Variants in GREB1L observed in about 807,000 individuals in gnomAD.
GREB1L encodes GREB1 like retinoic acid receptor coactivator, also known as GREB1-like protein.
A neutral mutation model predicts 200.8 loss-of-function variants in GREB1L; 17 were observed. That is an observed-to-expected ratio of 0.08 (90% CI 0.06 to 0.13). The LOEUF is 0.13. GREB1L is among the 10% of genes least tolerant of loss of function. The probability of loss-of-function intolerance (pLI) is 1.00; values close to 1 mark genes in which losing one functional copy is unlikely to be tolerated. For synonymous variants in GREB1L, 789 were observed against 893.0 expected, an observed-to-expected ratio of 0.88 and a Z score of 2.08; for missense variants, 1,657 against 2,367.7, an observed-to-expected ratio of 0.70 and a Z score of 6.23.
At chr18:21,334,686 A>G (rs1423563279) in intron 1 of GREB1L, among the ~76,000 whole-genome samples, 1 of 152,152 alleles carries the variant, frequency 6.6e-6, no homozygotes, top group Non-Finnish European at 1.5e-5. Flanking sequence ...AGGCAGGAGA[A>G]TCACTTGGAC....
intron 15 of GREB1L, among the ~76,000 whole-genome samples, chr18:21,465,112 A>G (rs2035215535): frequency 6.6e-6 from 1 of 152,216 alleles, no homozygotes; most frequent in Non-Finnish European, 1.5e-5. Flanking sequence ...GTGGTGAAGA[A>G]CATTTAAAAT....
chr18:21,460,471 G>A lies in GREB1L; in HGVS notation c.2182+5908G>A, dbSNP rs138535889. 8.9e-3 allele frequency among the ~76,000 whole-genome samples: 1,348 copies of A among 152,194 alleles called. 9 individuals carry two copies. The highest frequency in any genetic ancestry group is 0.051 in the Middle Eastern group (15 of 294). On this transcript the variant is annotated intron_variant, in intron 15 of 32. Transcript: ENST00000424526. ...AGCGATTCTCCTGCCTCAGTCTCCTGAGTAGCTGGGATTACAGGCATGCAC... is the reference window on the plus strand; with the variant it reads ...AGCGATTCTCCTGCCTCAGTCTCCTAAGTAGCTGGGATTACAGGCATGCAC...
intron 1 of GREB1L, among the ~76,000 whole-genome samples, chr18:21,299,894 AT>A (rs1236836557): frequency 1.3e-5 from 2 of 152,202 alleles, no homozygotes; most frequent in Non-Finnish European, 2.9e-5. Flanking sequence ...GATATTAGAC[AT>A]TATGATAAAA....
At chr18:21,400,069 C>A (rs1471100494) in intron 5 of GREB1L, among the ~76,000 whole-genome samples, 1 of 151,736 alleles carries the variant, frequency 6.6e-6, no homozygotes, top group African/African-American at 2.4e-5. Flanking sequence ...ATATGGAATG[C>A]CCTTTCTTAT....
In GREB1L at chr18:21,524,630, G is replaced by A. The variant is rs1325448666; in HGVS notation, c.*1809G>A. 2 of 152,084 alleles carry A rather than the reference G, an allele frequency of 1.3e-5. No homozygotes were observed. 9.4% of individuals were successfully genotyped at this position (152,084 alleles called of 1,614,324 possible). ...TTTACATAGGGCAAATAAAATACTT[G>A]AAAGAATTCTGAAACAATTGTACCT... is the stretch of plus-strand genomic sequence containing the variant. On this transcript the variant is annotated 3_prime_UTR_variant, in exon 33 of 33. Coordinates refer to ENST00000424526, the MANE Select transcript of GREB1L (RefSeq NM_001142966.3).
rs983783490 is a variant in GREB1L at position 21,525,767 on chromosome 18, A to G, written c.*2946A>G. Among the ~76,000 whole-genome samples the G allele has an allele frequency of 6.6e-6, 1 of 152,244 alleles. No homozygotes were observed. The highest frequency in any genetic ancestry group is 1.5e-5 in the Non-Finnish European group (1 of 68,044). On this transcript the variant is annotated 3_prime_UTR_variant, in exon 33 of 33. Transcript: ENST00000424526. Reference sequence around the variant, plus strand: ...AGATGCTGTTATTGTAGTATGAATTATATCTTCTTAAAAAATTTTACCAAC... The same window carrying G: ...AGATGCTGTTATTGTAGTATGAATTGTATCTTCTTAAAAAATTTTACCAAC...
Position 21,449,663 on chromosome 18 carries a change from G to A in GREB1L, c.1547G>A (p.Ser516Asn). Residue 516 changes from serine to asparagine, a missense_variant, in exon 12 of 33, where the codon AGC (serine) becomes AAC (asparagine). Transcript: ENST00000424526. ...CCCTGGCTTGCTAGATTAATTGCCA[G>A]CGTATCTCAAGACTTGGTTCATGTG... ...QLPWLARLIA[S>N]VSQDLVHVVV... 1 of 1,551,698 alleles carries A rather than the reference G, an allele frequency of 6.4e-7. No homozygotes were observed. Among genetic ancestry groups the A allele is most frequent in the Non-Finnish European group, 8.7e-7 (1 of 1,146,990 alleles).
intron 1 of GREB1L, among the ~76,000 whole-genome samples, chr18:21,296,125 C>T (rs186460781): frequency 7.2e-4 from 110 of 152,302 alleles, no homozygotes; most frequent in African/African-American, 2.5e-3. Flanking sequence ...CACATGCCCT[C>T]ACATATTCGT....
intron 2 of GREB1L, among the ~76,000 whole-genome samples, chr18:21,380,874 G>T (rs951488269): frequency 6.6e-6 from 1 of 152,154 alleles, no homozygotes; most frequent in African/African-American, 2.4e-5. Context: ...GCTGAGGCGG[G>T]TGGATCACGA....
At chr18:21,360,451 C>T (rs960244789) in intron 1 of GREB1L, among the ~76,000 whole-genome samples, 2 of 152,164 alleles carry the variant, frequency 1.3e-5, no homozygotes, top group African/African-American at 4.8e-5. Context: ...GTCTCAAACT[C>T]CTCACCTTAG....
intron 19 of GREB1L, among the ~76,000 whole-genome samples, chr18:21,495,067 G>A (rs2036495673): frequency 6.6e-6 from 1 of 152,074 alleles, no homozygotes; most frequent in Non-Finnish European, 1.5e-5. Flanking sequence ...CTCAATCCAG[G>A]TCTGGTTATA....
chr18:21,245,496 A>G (rs975230904), intron 1 of GREB1L, among the ~76,000 whole-genome samples: 18 of 152,280 alleles, frequency 1.2e-4, no homozygotes, highest in Non-Finnish European at 2.5e-4. Context: ...TCCCTTCCCA[A>G]TCTTGCCATA....
chr18:21,280,997 G>C (rs921376245), intron 1 of GREB1L, among the ~76,000 whole-genome samples: 1 of 152,130 alleles, frequency 6.6e-6, no homozygotes, highest in Non-Finnish European at 1.5e-5. Flanking sequence ...GGTGGACTCA[G>C]CTTTCAGTAT....
chr18:21,254,478 CTT>C lies in GREB1L; in HGVS notation c.-120+12088_-120+12089del, dbSNP rs1236512500. 2.6e-5 allele frequency among the ~76,000 whole-genome samples: 4 copies of C among 152,138 alleles called. No homozygotes were observed. In the East Asian group the frequency reaches 7.7e-4, roughly 29 times the overall value. On this transcript the variant is annotated intron_variant, in intron 1 of 32. Transcript: ENST00000424526. ...TATCATTCTACAAATGATCAAATGT[CTT>C]TTATAGGTACCAGTTGCCTCCCTTA...
intron 1 of GREB1L, among the ~76,000 whole-genome samples, chr18:21,329,480 A>G (rs1377376554): frequency 1.3e-5 from 2 of 151,762 alleles, no homozygotes; most frequent in Non-Finnish European, 2.9e-5. Context: ...ATTTAACTCC[A>G]AGGATAATTG....
chr18:21,269,517 T>C (rs1397530736), intron 1 of GREB1L, among the ~76,000 whole-genome samples: 4 of 152,142 alleles, frequency 2.6e-5, no homozygotes, highest in Non-Finnish European at 4.4e-5. Context: ...GTATACAAGA[T>C]AACAACTTAA....
At chr18:21,261,851 C>T (rs1003717226) in intron 1 of GREB1L, among the ~76,000 whole-genome samples, 1 of 151,838 alleles carries the variant, frequency 6.6e-6, no homozygotes, top group Non-Finnish European at 1.5e-5. Flanking sequence ...ATTCTAAATA[C>T]CTTTATTTTA....
intron 1 of GREB1L, among the ~76,000 whole-genome samples, chr18:21,300,292 A>G (rs966749139): frequency 8.5e-5 from 13 of 152,202 alleles, no homozygotes; most frequent in African/African-American, 3.1e-4. Flanking sequence ...ATTTCCCACT[A>G]TTCATCACCT....
At chr18:21,394,080 C>T (rs2040942162) in intron 4 of GREB1L, among the ~76,000 whole-genome samples, 1 of 152,184 alleles carries the variant, frequency 6.6e-6, no homozygotes, top group African/African-American at 2.4e-5. Context: ...GGAGTTCCCT[C>T]CCAAGTCAAG....
Sources: gnomAD v4.1 joint callset for allele counts (sites outside exome capture counted in the v4.1 genomes callset) on GRCh38, gnomAD v4.1.1 for gene constraint, MANE v1.5 for transcripts, NCBI Gene and HGNC (gene_info 2026-07-23, HGNC 2026-07-21) for gene names.